SYNDIG1L: variants seen among roughly 807,000 people sequenced by gnomAD.
SYNDIG1L encodes synapse differentiation-inducing gene protein 1-like.
SYNDIG1L carries 13 observed loss-of-function variants against 20.1 expected under a neutral mutation model. That is an observed-to-expected ratio of 0.65 (90% CI 0.42 to 1.03). SYNDIG1L has a LOEUF of 1.03. SYNDIG1L is among the 50% of genes least tolerant of loss of function. The pLI is 0.00. For synonymous variants in SYNDIG1L, 128 were observed against 129.3 expected, an observed-to-expected ratio of 0.99 and a Z score of 0.07; for missense variants, 294 against 305.1, an observed-to-expected ratio of 0.96 and a Z score of 0.27.
the SYNDIG1L span, among the ~76,000 whole-genome samples, chr14:74,452,240 C>T: frequency 5.9e-5 from 9 of 152,124 alleles, no homozygotes; most frequent in African/African-American, 1.4e-4. Context: ...GTACTGACAA[C>T]GACATGCATG....
rs749500804 is a variant in SYNDIG1L, at chr14:74,409,385, C to T, written c.360G>A (p.Val120=). Residue 120 remains valine, a synonymous_variant, in exon 2 of 4, where the codon GTG becomes GTA. Coordinates refer to ENST00000331628, the MANE Select transcript of SYNDIG1L (RefSeq NM_001105579.2). Reference sequence around the variant, plus strand: ...GCAGCTCCTCTTGTACCCCATAGGACACAGTCTGGATGGTGACATTCTCTG... The same window carrying T: ...GCAGCTCCTCTTGTACCCCATAGGATACAGTCTGGATGGTGACATTCTCTG... ...QAAENVTIQT[V]SYGVQEELRD... The T allele has an allele frequency of 7.0e-5, 112 of 1,611,332 alleles. No homozygotes were observed. The highest frequency in any genetic ancestry group is 9.2e-5 in the Non-Finnish European group (109 of 1,178,946).
rs2086078909 is a variant in SYNDIG1L, at chr14:74,406,300, T to A, written c.*1235A>T. On this transcript the variant is annotated 3_prime_UTR_variant, in exon 4 of 4. Transcript: ENST00000331628. ...GCATTCAGAGATGGGAAAACATCATTGGTCTTTGAGAGACAGGTGTGACGT... is the reference window on the plus strand; with the variant it reads ...GCATTCAGAGATGGGAAAACATCATAGGTCTTTGAGAGACAGGTGTGACGT... 2 of 388,644 alleles carry A rather than the reference T, an allele frequency of 5.1e-6. No individual in the cohort carries two copies. The highest frequency in any genetic ancestry group is 1.4e-4 in the South Asian group (1 of 6,904). 24.1% of individuals were successfully genotyped at this position (388,644 alleles called of 1,614,324 possible).
At chr14:74,451,760 G>A in the SYNDIG1L span, among the ~76,000 whole-genome samples, 6 of 152,234 alleles carry the variant, frequency 3.9e-5, no homozygotes, top group African/African-American at 1.4e-4. Context: ...GGGAGGCCAA[G>A]GCGGGTGGAT....
At chr14:74,440,592 G>A in the SYNDIG1L span, among the ~76,000 whole-genome samples, 1 of 151,614 alleles carries the variant, frequency 6.6e-6, no homozygotes, top group South Asian at 2.1e-4. Context: ...GGCTAAGGCA[G>A]GAGAATGGCG....
intron 2 of SYNDIG1L, 58 bp downstream of exon 2, chr14:74,409,270 G>A: frequency 9.6e-6 from 12 of 1,249,804 alleles, no homozygotes; most frequent in Non-Finnish European, 1.1e-5. Flanking sequence ...TTTTTGTAGA[G>A]TCGGGGTCTC....
the SYNDIG1L span, among the ~76,000 whole-genome samples, chr14:74,477,521 TA>T: frequency 2.4e-3 from 346 of 144,048 alleles, no homozygotes; most frequent in Non-Finnish European, 1.9e-3. Context: ...GACTTTGTGT[TA>T]AAAAAAAAAA....
chr14:74,433,295 T>G, the SYNDIG1L span, among the ~76,000 whole-genome samples: 1 of 152,206 alleles, frequency 6.6e-6, no homozygotes, highest in Non-Finnish European at 1.5e-5. Flanking sequence ...AGTTCACTAC[T>G]GGGAAACCAT....
rs539626590 is a variant in SYNDIG1L at position 74,408,381 on chromosome 14, T to C, written c.418-392A>G. The stretch of plus-strand genomic sequence containing the variant: ...GAGTTCGAGGCCAGCCTGGCCAACA[T>C]GATGAAACTCCCTCTCTACTGAAAA... On this transcript the variant is annotated intron_variant, in intron 2 of 3. Transcript: ENST00000331628. 2.6e-4 allele frequency among the ~76,000 whole-genome samples: 39 copies of C among 152,054 alleles called. No individual in the cohort carries two copies. The South Asian group carries it at 7.3e-3, about 28-fold the overall frequency.
chr14:74,416,037 G>A (rs1052185286), intron 1 of SYNDIG1L, among the ~76,000 whole-genome samples: 3 of 152,052 alleles, frequency 2.0e-5, no homozygotes, highest in Non-Finnish European at 4.4e-5. Flanking sequence ...AAACTATAGC[G>A]ACAGAAAGCA....
At chr14:74,419,410 A>C (rs1224697410) in intron 1 of SYNDIG1L, among the ~76,000 whole-genome samples, 1 of 152,164 alleles carries the variant, frequency 6.6e-6, no homozygotes, top group Non-Finnish European at 1.5e-5. Flanking sequence ...TGAATGAATG[A>C]GTGAATTAGT....
chr14:74,468,959 A>C, the SYNDIG1L span, among the ~76,000 whole-genome samples: 1 of 152,226 alleles, frequency 6.6e-6, no homozygotes, highest in African/African-American at 2.4e-5. Context: ...CTTCTGGTCT[A>C]TGACAGGATT....
At chr14:74,423,887 G>T (rs1234327916) in intron 1 of SYNDIG1L, among the ~76,000 whole-genome samples, 1 of 152,012 alleles carries the variant, frequency 6.6e-6, no homozygotes, top group Non-Finnish European at 1.5e-5. Context: ...TGGTGGTGGT[G>T]GTGGCAGGGA....
the SYNDIG1L span, among the ~76,000 whole-genome samples, chr14:74,435,329 C>T: frequency 6.6e-6 from 1 of 152,180 alleles, no homozygotes; most frequent in South Asian, 2.1e-4. Context: ...AAGATTAAAG[C>T]TCAACTGTTC....
At chr14:74,433,650 G>C in the SYNDIG1L span, among the ~76,000 whole-genome samples, 1 of 152,162 alleles carries the variant, frequency 6.6e-6, no homozygotes, top group Non-Finnish European at 1.5e-5. Context: ...CTCTCAAACT[G>C]CTGGGATTAC....
chr14:74,478,461 T>A, the SYNDIG1L span, among the ~76,000 whole-genome samples: 2 of 152,226 alleles, frequency 1.3e-5, no homozygotes, highest in Non-Finnish European at 2.9e-5. Flanking sequence ...GTCAGCTGTA[T>A]CAAAATCAAT....
the SYNDIG1L span, among the ~76,000 whole-genome samples, chr14:74,449,556 G>A: frequency 1.4e-5 from 2 of 146,328 alleles, no homozygotes; most frequent in African/African-American, 2.5e-5. Flanking sequence ...AGGCTGCAGT[G>A]AGCTATGATT....
chr14:74,425,963 A>C lies in SYNDIG1L; in HGVS notation c.-109T>G, dbSNP rs944937216. On this transcript the variant is annotated 5_prime_UTR_variant, in exon 1 of 4. It removes an upstream start codon present in the reference 5' UTR. Coordinates refer to ENST00000331628, the MANE Select transcript of SYNDIG1L (RefSeq NM_001105579.2). ...CCTCCGCGGGGCTCGGGGGCTCGGCATGGGCCGGTGAGCGACGGCGCCCCC... is the reference window on the plus strand; with the variant it reads ...CCTCCGCGGGGCTCGGGGGCTCGGCCTGGGCCGGTGAGCGACGGCGCCCCC... 2.0e-5 allele frequency: 3 copies of C among 151,744 alleles called. No individual in the cohort carries two copies. The highest frequency in any genetic ancestry group is 4.4e-5 in the Non-Finnish European group (3 of 67,884). The allele number at this position is 151,744 out of a possible 1,614,324, so 9.4% of individuals were successfully genotyped here.
At chr14:74,467,494 A>C in the SYNDIG1L span, among the ~76,000 whole-genome samples, 3 of 152,156 alleles carry the variant, frequency 2.0e-5, no homozygotes. Context: ...CCCCCAGAGC[A>C]GCTCAGTTTC....
the SYNDIG1L span, among the ~76,000 whole-genome samples, chr14:74,446,865 C>T: frequency 6.6e-6 from 1 of 152,150 alleles, no homozygotes; most frequent in Non-Finnish European, 1.5e-5. Flanking sequence ...GATCTGCCTG[C>T]CTCATCCTCC....
Sources: allele counts gnomAD v4.1 joint callset (sites outside exome capture counted in the v4.1 genomes callset), GRCh38; gene constraint gnomAD v4.1.1; transcripts MANE v1.5; gene names NCBI Gene and HGNC (gene_info 2026-07-23, HGNC 2026-07-21).